The following PTPN4 variants were observed in gnomAD, a reference collection of about 807,000 sequenced individuals.
PTPN4 encodes protein tyrosine phosphatase non-receptor type 4.
A neutral mutation model predicts 135.5 loss-of-function variants in PTPN4; 49 were observed. The ratio of observed to expected loss-of-function variants is 0.36; its 90% confidence interval spans 0.29 to 0.46. The LOEUF (loss-of-function observed/expected upper bound fraction) is 0.46, where lower values mean the gene tolerates loss of function less well. PTPN4 is among the 20% of genes least tolerant of loss of function. The probability of loss-of-function intolerance (pLI) is 1.00; values close to 1 mark genes in which losing one functional copy is unlikely to be tolerated. For synonymous variants in PTPN4, 333 were observed against 369.9 expected (o/e 0.90, Z 1.14); for missense variants, 860 against 1,101.0 (o/e 0.78, Z 3.10).
chr2:119,791,909 C>A lies in PTPN4; in HGVS notation c.-17-17928C>A, dbSNP rs562958459. On this transcript the variant is annotated intron_variant, in intron 1 of 26. Coordinates refer to ENST00000263708, the MANE Select transcript of PTPN4 (RefSeq NM_002830.4). ...TTTTCTGTCTACTATCTTTCTCGGACTTTTATTGTGACTGTATTGGTATGC... is the reference window on the plus strand; with the variant it reads ...TTTTCTGTCTACTATCTTTCTCGGAATTTTATTGTGACTGTATTGGTATGC... Among the ~76,000 whole-genome samples the A allele has an allele frequency of 2.2e-4, 34 of 152,224 alleles. 1 individual carries two copies. Among genetic ancestry groups the A allele is most frequent in the Admixed American group, 1.6e-3 (25 of 15,296 alleles).
chr2:119,903,955 A>G (rs1678447163), intron 10 of PTPN4, among the ~76,000 whole-genome samples: 1 of 152,250 alleles, frequency 6.6e-6, no homozygotes, highest in Non-Finnish European at 1.5e-5. Flanking sequence ...GCACCCATCC[A>G]GAATCAAAGC....
At chr2:119,844,695 G>A (rs1285541277) in intron 2 of PTPN4, among the ~76,000 whole-genome samples, 17 of 150,904 alleles carry the variant, frequency 1.1e-4, no homozygotes, top group Non-Finnish European at 4.4e-5. Flanking sequence ...TAGATGTGAT[G>A]GCGGCTGGGA....
chr2:119,895,285 G>A (rs983810920), intron 9 of PTPN4, among the ~76,000 whole-genome samples: 6 of 152,164 alleles, frequency 3.9e-5, no homozygotes, highest in African/African-American at 1.4e-4. Context: ...CATTGAGTGG[G>A]TTTGCGTTAT....
chr2:119,883,425 A>G (rs1678109073), intron 8 of PTPN4, among the ~76,000 whole-genome samples: 1 of 152,214 alleles, frequency 6.6e-6, no homozygotes, highest in Non-Finnish European at 1.5e-5. Flanking sequence ...ATATTCATTC[A>G]TTAACAATAT....
intron 2 of PTPN4, among the ~76,000 whole-genome samples, chr2:119,844,751 C>T (rs1191442992): frequency 1.4e-5 from 2 of 142,422 alleles, no homozygotes; most frequent in Admixed American, 6.8e-5. Context: ...CGGGCGGAGA[C>T]GCTCCTCACT....
chr2:119,850,592 G>A (rs1369888299), intron 2 of PTPN4, among the ~76,000 whole-genome samples: 2 of 152,384 alleles, frequency 1.3e-5, no homozygotes, highest in Admixed American at 1.3e-4. Context: ...TTTTCCCAGA[G>A]TGGAACATTG....
At chr2:119,961,051 C>A in intron 23 of PTPN4, 98 bp downstream of exon 23, 1 of 1,315,898 alleles carries the variant, frequency 7.6e-7, no homozygotes, top group Non-Finnish European at 1.0e-6. Context: ...GCCTTTGTAA[C>A]CTTTAATCTT....
intron 1 of PTPN4, among the ~76,000 whole-genome samples, chr2:119,798,534 T>G (rs555095894): frequency 6.6e-6 from 1 of 152,342 alleles, no homozygotes; most frequent in East Asian, 1.9e-4. Flanking sequence ...TTCTTTCCCC[T>G]TTTAAAACAT....
intron 1 of PTPN4, among the ~76,000 whole-genome samples, chr2:119,792,504 C>T (rs963874962): frequency 3.3e-5 from 5 of 152,124 alleles, no homozygotes; most frequent in East Asian, 1.9e-4. Flanking sequence ...ATTGTTACAA[C>T]GTCTGAGGTT....
intron 2 of PTPN4, among the ~76,000 whole-genome samples, chr2:119,861,046 CAAA>C (rs58044995): frequency 8.9e-6 from 1 of 112,552 alleles, no homozygotes; most frequent in Admixed American, 9.1e-5. Flanking sequence ...AACTCCATCT[CAAA>C]AAAAAAAAAA....
At position 119,984,114 on chromosome 2, in the gene PTPN4, ATCAGGACATTACAG is replaced by A. The variant is rs1351670182; in HGVS notation, c.*7046_*7059del. Among the ~76,000 whole-genome samples, 2 of 152,230 alleles carry A rather than the reference ATCAGGACATTACAG, an allele frequency of 1.3e-5. No homozygotes were observed. The highest frequency in any genetic ancestry group is 4.8e-5 in the African/African-American group (2 of 41,462). ...ATTGTTCAACCCAGTGTTCTCCAGCATCAGGACATTACAGTTGTAATCTATGTTGTAATCTTTTC... is the reference window on the plus strand; with the variant it reads ...ATTGTTCAACCCAGTGTTCTCCAGCATTGTAATCTATGTTGTAATCTTTTC... On this transcript the variant is annotated 3_prime_UTR_variant, in exon 27 of 27. Transcript: ENST00000263708.
chr2:119,793,301 G>A (rs956249632), intron 1 of PTPN4, among the ~76,000 whole-genome samples: 2 of 152,122 alleles, frequency 1.3e-5, no homozygotes, highest in East Asian at 1.9e-4. Flanking sequence ...TCTCTTACCC[G>A]TTTTCAGCAA....
intron 2 of PTPN4, among the ~76,000 whole-genome samples, chr2:119,848,674 C>T (rs1677543924): frequency 6.6e-6 from 1 of 152,156 alleles, no homozygotes; most frequent in South Asian, 2.1e-4. Context: ...AATCTCGGCT[C>T]ACTGCCACCT....
chr2:119,917,836 C>G (rs1292348852), intron 11 of PTPN4, among the ~76,000 whole-genome samples: 1 of 152,142 alleles, frequency 6.6e-6, no homozygotes, highest in Admixed American at 6.5e-5. Flanking sequence ...TTTAAATACC[C>G]AAACTTCATA....
At chr2:119,882,771 C>G (rs1487802225) in intron 8 of PTPN4, 148 bp downstream of exon 8, 5 of 748,378 alleles carry the variant, frequency 6.7e-6, no homozygotes, top group Non-Finnish European at 9.9e-6. Context: ...TATAGGTGAT[C>G]TATGCTAAAA....
At chr2:119,815,122 A>G (rs971386886) in intron 2 of PTPN4, among the ~76,000 whole-genome samples, 20 of 152,162 alleles carry the variant, frequency 1.3e-4, no homozygotes, top group African/African-American at 4.8e-4. Flanking sequence ...TCTGTTACTG[A>G]AAATGACCTT....
intron 15 of PTPN4, among the ~76,000 whole-genome samples, chr2:119,940,255 A>T (rs1383901806): frequency 6.6e-6 from 1 of 152,214 alleles, no homozygotes; most frequent in Non-Finnish European, 1.5e-5. Flanking sequence ...CTGAAGTGAC[A>T]TTTACTTTGA....
intron 1 of PTPN4, among the ~76,000 whole-genome samples, chr2:119,799,032 TA>T (rs1691315052): frequency 6.6e-6 from 1 of 152,218 alleles, no homozygotes; most frequent in Admixed American, 6.5e-5. Flanking sequence ...ATAAACCTTA[TA>T]AAACCCAGGA....
In PTPN4 at chr2:119,956,871, A is replaced by G. The variant is rs1238875051; in HGVS notation, c.2008A>G (p.Thr670Ala). 3 of 1,602,036 alleles carry G rather than the reference A, an allele frequency of 1.9e-6. No individual in the cohort carries two copies. Among genetic ancestry groups the G allele is most frequent in the Admixed American group, 1.8e-5 (1 of 56,792 alleles). Residue 670 changes from threonine to alanine, a missense_variant, in exon 21 of 27, where the codon ACA (threonine) becomes GCA (alanine). This residue lies in a region of PTPN4 where 684 missense variants were observed against 807.0 expected (regional missense o/e 0.85). Transcript: ENST00000263708. ...ACTGTATCGGAAAAAACCTGGAATG[A>G]CAATGTCCTGTGCCAAATTACCTCA... ...DQLYRKKPGMTMSCAKLPQNI... is the reference protein window; with the variant it reads ...DQLYRKKPGMAMSCAKLPQNI...
Sources: gnomAD v4.1 joint callset for allele counts (sites outside exome capture counted in the v4.1 genomes callset) on GRCh38, gnomAD v4.1.1 for gene constraint, gnomAD v4.1.1 regional missense constraint, MANE v1.5 for transcripts, NCBI Gene and HGNC (gene_info 2026-07-23, HGNC 2026-07-21) for gene names.